The following GGT5 variants were observed in gnomAD, a reference collection of about 807,000 sequenced individuals.
GGT5 encodes the protein gamma-glutamyltransferase 5.
In GGT5, 50 loss-of-function variants were observed where a neutral mutation model predicts 58.1. That is an observed-to-expected ratio of 0.86 (90% CI 0.69 to 1.09). GGT5 has a LOEUF of 1.09. Among genes scored for constraint, GGT5 ranks in the 50% least tolerant of loss-of-function variants. The probability of loss-of-function intolerance (pLI) is 0.00; values close to 1 mark genes in which losing one functional copy is unlikely to be tolerated. For missense variants in GGT5, 800 were observed against 789.4 expected, an observed-to-expected ratio of 1.01 and a Z score of -0.16; for synonymous variants, 370 against 346.1, an observed-to-expected ratio of 1.07 and a Z score of -0.77.
At chr22:24,222,754 G>A (rs893360976) in intron 11 of GGT5, among the ~76,000 whole-genome samples, 3 of 152,200 alleles carry the variant, frequency 2.0e-5, no homozygotes, top group South Asian at 2.1e-4. Flanking sequence ...GAGAATTGAT[G>A]TTCACAAAGA....
intron 6 of GGT5, among the ~76,000 whole-genome samples, chr22:24,231,085 C>T (rs1202320490): frequency 3.9e-5 from 6 of 152,074 alleles, no homozygotes; most frequent in African/African-American, 1.4e-4. Flanking sequence ...TCACCACCCA[C>T]ACAGCCCACC....
rs765632350 is a variant in GGT5 at position 24,225,086 on chromosome 22, C to A, written c.1524G>T (p.Trp508Cys). The change falls in exon 11 of 12, where the codon TGG becomes TGT. Residue 508 changes from tryptophan to cysteine, a missense_variant. Coordinates refer to ENST00000327365, the MANE Select transcript of GGT5 (RefSeq NM_004121.5). ...AVAQAIMSKL[W>C]LGFDLRAAIA... ...TGGCCGCTCTCAGGTCAAAGCCAAG[C>A]CACAGCTTGCTCATGATGGCCTGGG... The A allele has an allele frequency of 6.2e-7, 1 of 1,602,432 alleles. No individual in the cohort carries two copies. The highest frequency in any genetic ancestry group is 1.1e-5 in the South Asian group (1 of 89,602).
At chr22:24,226,894 A>G in intron 6 of GGT5, 127 bp from the exon 7 acceptor site, 1 of 677,766 alleles carries the variant, frequency 1.5e-6, no homozygotes, top group South Asian at 1.8e-5. Flanking sequence ...ATATTACCTT[A>G]TACAGCACAA....
At chr22:24,221,186 TA>T (rs2047579530) in intron 11 of GGT5, among the ~76,000 whole-genome samples, 1 of 152,252 alleles carries the variant, frequency 6.6e-6, no homozygotes, top group Admixed American at 6.5e-5. Flanking sequence ...GTTTATAGTT[TA>T]AAACAAAGAC....
chr22:24,233,419 C>T (rs370957967), intron 3 of GGT5, 79 bp downstream of exon 3: 63 of 781,914 alleles, frequency 8.1e-5, no homozygotes, highest in African/African-American at 4.2e-4. Context: ...GTCCGTGAGG[C>T]GCTGCTCCTT....
Position 24,233,551 on chromosome 22 carries a change from C to A in GGT5, c.347G>T (p.Ser116Ile). The A allele has an allele frequency of 6.2e-7, 1 of 1,609,688 alleles. No individual in the cohort carries two copies. The highest frequency in any genetic ancestry group is 1.3e-5 in the African/African-American group (1 of 74,962). ...CTGGTCCAGCAGGCTCGGGGCGTGG[C>A]TGGCCGGCACCGTCTCCCGGGCATT... is the stretch of plus-strand genomic sequence containing the variant. ...VINARETVPA[S>I]HAPSLLDQCA... The change falls in exon 3 of 12, where the codon AGC becomes ATC. Residue 116 changes from serine to isoleucine, a missense_variant. Coordinates refer to ENST00000327365, the MANE Select transcript of GGT5 (RefSeq NM_004121.5).
chr22:24,226,571 G>A, intron 7 of GGT5, 60 bp downstream of exon 7: 2 of 1,573,246 alleles, frequency 1.3e-6, no homozygotes, highest in Non-Finnish European at 8.7e-7. Context: ...CTCATTTCAT[G>A]CCAAGTCCTG....
chr22:24,240,297 A>T (rs2048293662), intron 1 of GGT5, among the ~76,000 whole-genome samples: 1 of 152,240 alleles, frequency 6.6e-6, no homozygotes, highest in Non-Finnish European at 1.5e-5. Flanking sequence ...AAGAAGAAAC[A>T]GAATAGGCAT....
intron 1 of GGT5, among the ~76,000 whole-genome samples, chr22:24,238,812 AT>A (rs58779509): frequency 0.72 from 12,370 of 17,230 alleles, 4,390 homozygotes; most frequent in Admixed American, 0.76. Flanking sequence ...TATATAATAT[AT>A]TATATATATA....
chr22:24,232,136 G>T lies in GGT5; in HGVS notation c.669C>A (p.Thr223=), dbSNP rs1222416252. 6.2e-7 allele frequency: 1 copy of T among 1,606,352 alleles called. No homozygotes were observed. The highest frequency in any genetic ancestry group is 1.7e-5 in the Admixed American group (1 of 59,158). The change falls in exon 5 of 12, where the codon ACC becomes ACA. Residue 223 remains threonine, a synonymous_variant. Transcript: ENST00000327365. The part of the protein sequence containing the change: ...DPLPWPALAT[T]LETVATEGVE... ...CGCCCTCTGTGGCCACGGTCTCCAGGGTGGTGGCCAGTGCAGGCCATGGGA... is the reference window on the plus strand; with the variant it reads ...CGCCCTCTGTGGCCACGGTCTCCAGTGTGGTGGCCAGTGCAGGCCATGGGA...
chr22:24,241,445 G>C (rs796669252), intron 1 of GGT5: 1 of 152,224 alleles, frequency 6.6e-6, no homozygotes, highest in East Asian at 1.9e-4. Flanking sequence ...GTGTTATAGT[G>C]TTGAAGCAGA....
chr22:24,220,229 G>A (rs1239238967), intron 11 of GGT5, 113 bp from the exon 12 acceptor site: 6 of 1,019,164 alleles, frequency 5.9e-6, no homozygotes, highest in Non-Finnish European at 8.7e-6. Context: ...CGGAGAGGAA[G>A]AGGGCCTGAA....
intron 1 of GGT5, among the ~76,000 whole-genome samples, chr22:24,238,928 ATATAT>A (rs1428286942): frequency 1.9e-4 from 5 of 26,808 alleles, no homozygotes; most frequent in South Asian, 1.0e-3. Context: ...TATATATAAT[ATATAT>A]TATATAATAT....
chr22:24,233,519 GT>G lies in GGT5; in HGVS notation c.378del (p.Gln127ArgfsTer83). ...SHAPSLLDQC[A>X]QALPLGTGAQ... Reference sequence around the variant, plus strand: ...TCACCTGTGCCCAGTGGCAGAGCCTGTGCACACTGGTCCAGCAGGCTCGGGG... The same window carrying G: ...TCACCTGTGCCCAGTGGCAGAGCCTGGCACACTGGTCCAGCAGGCTCGGGG... On this transcript the variant is annotated frameshift_variant, in exon 3 of 12. Coordinates refer to ENST00000327365, the MANE Select transcript of GGT5 (RefSeq NM_004121.5). LOFTEE classifies it high-confidence loss of function. The G allele has an allele frequency of 1.2e-6, 2 of 1,606,652 alleles. No homozygotes were observed. The highest frequency in any genetic ancestry group is 1.7e-6 in the Non-Finnish European group (2 of 1,177,064).
rs1826138111 is a variant in GGT5 at position 24,232,903 on chromosome 22, C to G, written c.516G>C (p.Gly172=). ...TGAGGACAGGGGCCACCACATGCCCCCCTCGGAGCAGCGCGATGGTGGGCT... is the reference window on the plus strand; with the variant it reads ...TGAGGACAGGGGCCACCACATGCCCGCCTCGGAGCAGCGCGATGGTGGGCT... ...LFQPTIALLR[G]GHVVAPVLSR... is the part of the protein sequence containing the mutation. Residue 172 remains glycine (G), a synonymous_variant, in exon 4 of 12, where the codon GGG becomes GGC. Transcript: ENST00000327365. 2.5e-6 allele frequency: 4 copies of G among 1,583,724 alleles called. No individual in the cohort carries two copies. The highest frequency in any genetic ancestry group is 1.3e-5 in the African/African-American group (1 of 74,256).
At chr22:24,237,180 C>T (rs184632055) in intron 1 of GGT5, among the ~76,000 whole-genome samples, 9 of 152,170 alleles carry the variant, frequency 5.9e-5, no homozygotes, top group Non-Finnish European at 7.4e-5. Context: ...GGACTATAGG[C>T]GTGAGCCACC....
intron 1 of GGT5, among the ~76,000 whole-genome samples, chr22:24,238,939 AATATATAT>A (rs1244317146): frequency 4.4e-4 from 7 of 15,892 alleles, no homozygotes; most frequent in African/African-American, 2.3e-3. Context: ...TATATTATAT[AATATATAT>A]ATATATATAT....
chr22:24,226,291 G>A, intron 7 of GGT5, 25 bp from the exon 8 acceptor site: 1 of 1,553,832 alleles, frequency 6.4e-7, no homozygotes. Context: ...CAGGTGGCAG[G>A]GTCAGTGAGG....
rs1315985696 is a variant in GGT5, at chr22:24,244,980, G to A, written c.-255C>T. The A allele has an allele frequency of 8.9e-6, 5 of 560,926 alleles. No homozygotes were observed. Among genetic ancestry groups the A allele is most frequent in the South Asian group, 7.7e-5 (3 of 39,144 alleles). 34.7% of individuals were successfully genotyped at this position (560,926 alleles called of 1,614,324 possible). ...TTACAGATGGGCGGACAGACAGACA[G>A]GTCTGAACAGCGGGCTGCCAGATGG... On this transcript the variant is annotated 5_prime_UTR_variant, in exon 1 of 12. Coordinates refer to ENST00000327365, the MANE Select transcript of GGT5 (RefSeq NM_004121.5).
Sources: allele counts gnomAD v4.1 joint callset (sites outside exome capture counted in the v4.1 genomes callset), GRCh38; gene constraint gnomAD v4.1.1; transcripts MANE v1.5; gene names NCBI Gene and HGNC (gene_info 2026-07-23, HGNC 2026-07-21).